The following PTH1R variants were observed in gnomAD, a reference collection of about 807,000 sequenced individuals.
The protein encoded by PTH1R is parathyroid hormone/parathyroid hormone-related peptide receptor.
In PTH1R, 32 loss-of-function variants were observed where a neutral mutation model predicts 70.7. The observed-to-expected ratio is 0.45, with a 90% CI of 0.34 to 0.61. The LOEUF (loss-of-function observed/expected upper bound fraction) is 0.61, where lower values mean the gene tolerates loss of function less well. Ranked by LOEUF, PTH1R falls within the 20% of genes least tolerant of loss-of-function variation. The pLI is 0.01. For synonymous variants in PTH1R, 329 were observed against 324.8 expected, an observed-to-expected ratio of 1.01 and a Z score of -0.14; for missense variants, 626 against 792.5, an observed-to-expected ratio of 0.79 and a Z score of 2.52.
rs1025115669 is a variant in PTH1R at position 46,879,196 on chromosome 3, G to A, written c.-106+1353G>A. Among the ~76,000 whole-genome samples the A allele has an allele frequency of 8.5e-5, 13 of 152,196 alleles. No individual in the cohort carries two copies. The highest frequency in any genetic ancestry group is 4.2e-4 in the South Asian group (2 of 4,814). On this transcript the variant is annotated intron_variant, in intron 1 of 15. Coordinates refer to ENST00000449590, the MANE Select transcript of PTH1R (RefSeq NM_000316.3). This position sits in a 1 kb window ranked among gnomAD's most constrained non-coding sequence, Gnocchi z 4.7. Reference sequence around the variant, plus strand: ...TATGGCAGGAGGAATGCCCTTAAGGGACCCAGCACCCATCAGATTCCTCTC... The same window carrying A: ...TATGGCAGGAGGAATGCCCTTAAGGAACCCAGCACCCATCAGATTCCTCTC...
chr3:46,894,156 T>A, intron 4 of PTH1R, 147 bp downstream of exon 4: 1 of 764,952 alleles, frequency 1.3e-6, no homozygotes. Context: ...AGAACCAAAG[T>A]GGGGTGCGTG....
chr3:46,902,664 C>T lies in PTH1R; in HGVS notation c.1350C>T (p.Phe450=). The T allele has an allele frequency of 1.9e-6, 3 of 1,614,122 alleles. No individual in the cohort carries two copies. Among genetic ancestry groups the T allele is most frequent in the Non-Finnish European group, 2.5e-6 (3 of 1,180,020 alleles). ...ACTATGAGATGCTCTTCAACTCCTT[C>T]CAGGTGCGCAGTGCTGGCCCGGGCC... The part of the protein sequence containing the change: ...QMHYEMLFNS[F]QGFFVAIIYC... The change falls in exon 14 of 16, where the codon TTC becomes TTT. Residue 450 remains phenylalanine (F), a synonymous_variant. Coordinates refer to ENST00000449590, the MANE Select transcript of PTH1R (RefSeq NM_000316.3). This position sits in a 1 kb window ranked among gnomAD's most constrained non-coding sequence, Gnocchi z 5.4.
chr3:46,887,439 A>C (rs58381738), intron 3 of PTH1R, among the ~76,000 whole-genome samples: 2,426 of 143,124 alleles, frequency 0.017, 71 homozygotes, highest in African/African-American at 0.057. Context: ...TGGGTGACAG[A>C]GTGAGCCCCT....
chr3:46,884,679 C>G lies in PTH1R; in HGVS notation c.75+1045C>G, dbSNP rs1016206322. 2.0e-5 allele frequency among the ~76,000 whole-genome samples: 3 copies of G among 152,098 alleles called. No individual in the cohort carries two copies. Among genetic ancestry groups the G allele is most frequent in the Admixed American group, 6.5e-5 (1 of 15,282 alleles). On this transcript the variant is annotated intron_variant, in intron 3 of 15. Coordinates refer to ENST00000449590, the MANE Select transcript of PTH1R (RefSeq NM_000316.3). This position sits in a 1 kb window ranked among gnomAD's most constrained non-coding sequence, Gnocchi z 4.8. Reference sequence around the variant, plus strand: ...CTAGAGAGCAGGGCAGTCAGGCAGCCTCCTCCTCCTGACCAGCAGCAGCTC... The same window carrying G: ...CTAGAGAGCAGGGCAGTCAGGCAGCGTCCTCCTCCTGACCAGCAGCAGCTC...
rs942727600 is a variant in PTH1R, at chr3:46,894,380, G to A, written c.178+371G>A. Among the ~76,000 whole-genome samples, 4 of 152,042 alleles carry A rather than the reference G, an allele frequency of 2.6e-5. No individual in the cohort carries two copies. In the East Asian group the frequency reaches 5.8e-4, roughly 22 times the overall value. On this transcript the variant is annotated intron_variant, in intron 4 of 15. Transcript: ENST00000449590. The stretch of plus-strand genomic sequence containing the variant: ...TCTGCAGGGGTTGAGGCTGGTGATC[G>A]CCCAGAACACAAGCACACAATGACA...
At chr3:46,887,632 C>T (rs774862032) in intron 3 of PTH1R, among the ~76,000 whole-genome samples, 1 of 152,092 alleles carries the variant, frequency 6.6e-6, no homozygotes, top group Non-Finnish European at 1.5e-5. Flanking sequence ...TCTTTGTGTA[C>T]ATATCAAGTA....
Position 46,883,641 on chromosome 3 carries a change from C to A in PTH1R, c.75+7C>A. On this transcript the variant is annotated splice_region_variant and intron_variant, in intron 3 of 15. Transcript: ENST00000449590. The surrounding 1 kb of genome is among the most constrained non-coding windows in gnomAD (Gnocchi z 6.4). ...CAGCTCCGCGTACGCGCTGGTGAGTCCCCCGCCGCCAACACTCCGGGACAG... is the reference window on the plus strand; with the variant it reads ...CAGCTCCGCGTACGCGCTGGTGAGTACCCCGCCGCCAACACTCCGGGACAG... 1 of 1,545,614 alleles carries A rather than the reference C, an allele frequency of 6.5e-7. No homozygotes were observed. The highest frequency in any genetic ancestry group is 2.4e-5 in the East Asian group (1 of 40,894).
In PTH1R at chr3:46,883,288, C is replaced by T; in HGVS notation, c.-48-224C>T. The T allele has an allele frequency of 3.6e-6, 1 of 278,516 alleles. No homozygotes were observed. The highest frequency in any genetic ancestry group is 6.7e-6 in the Non-Finnish European group (1 of 150,364). The allele number at this position is 278,516 out of a possible 1,614,324, so 17.3% of individuals were successfully genotyped here. Reference sequence around the variant, plus strand: ...CGGGCCGCTCCGCAGCGCTCGGCGCCCGCCCGCCGCCCGCCCGGCCTCCGG... The same window carrying T: ...CGGGCCGCTCCGCAGCGCTCGGCGCTCGCCCGCCGCCCGCCCGGCCTCCGG... On this transcript the variant is annotated intron_variant, in intron 2 of 15. Transcript: ENST00000449590. The surrounding 1 kb of genome is among the most constrained non-coding windows in gnomAD (Gnocchi z 6.4).
intron 5 of PTH1R, among the ~76,000 whole-genome samples, chr3:46,897,131 G>A (rs1460949181): frequency 6.6e-6 from 1 of 152,216 alleles, no homozygotes; most frequent in Admixed American, 6.5e-5. Flanking sequence ...GAGTTAGTCT[G>A]GGTACTTGCC....
At position 46,903,396 on chromosome 3, in the gene PTH1R, G is replaced by A. The variant is rs767026013; in HGVS notation, c.1522G>A (p.Val508Ile). The A allele has an allele frequency of 7.4e-6, 12 of 1,613,400 alleles. No individual in the cohort carries two copies. In the East Asian group the frequency reaches 2.4e-4, roughly 33 times the overall value. The stretch of plus-strand genomic sequence containing the variant: ...GGTGTCCCACACAAGTGTGACCAAT[G>A]TCGGCCCCCGTGTGGGACTCGGCCT... Reference protein sequence around the residue: ...PMVSHTSVTNVGPRVGLGLPL... With the variant: ...PMVSHTSVTNIGPRVGLGLPL... Residue 508 changes from valine to isoleucine, a missense_variant, in exon 16 of 16, where the codon GTC (valine) becomes ATC (isoleucine). Physicochemically the swap from Val to Ile is conservative, Grantham distance 29. Around this residue, in one of 3 missense-constraint regions of PTH1R, gnomAD observed 495 missense variants for 638.7 expected, o/e 0.77. Coordinates refer to ENST00000449590, the MANE Select transcript of PTH1R (RefSeq NM_000316.3). This position sits in a 1 kb window ranked among gnomAD's most constrained non-coding sequence, Gnocchi z 4.4.
At chr3:46,889,941 CG>C (rs964676605) in intron 3 of PTH1R, among the ~76,000 whole-genome samples, 22 of 152,074 alleles carry the variant, frequency 1.4e-4, no homozygotes, top group African/African-American at 5.1e-4. Flanking sequence ...GTTGGAGGGG[CG>C]GGGAGAAGGG....
In PTH1R at chr3:46,898,374, A is replaced by T; in HGVS notation, c.544-4A>T. 6.2e-7 allele frequency: 1 copy of T among 1,612,596 alleles called. No homozygotes were observed. Among genetic ancestry groups the T allele is most frequent in the East Asian group, 2.2e-5 (1 of 44,762 alleles). ...CTGACTGTGTCTCCCCCCGCCCCGC[A>T]CAGGAGGTGTTTGACCGCCTGGGCA... On this transcript the variant is annotated splice_polypyrimidine_tract_variant and splice_region_variant and intron_variant, in intron 7 of 15. Coordinates refer to ENST00000449590, the MANE Select transcript of PTH1R (RefSeq NM_000316.3).
chr3:46,899,219 C>T, intron 9 of PTH1R, 84 bp from the exon 10 acceptor site: 2 of 1,586,998 alleles, frequency 1.3e-6, no homozygotes, highest in Non-Finnish European at 1.7e-6. Flanking sequence ...CACTTGTCCT[C>T]TCCTGCCGCC....
rs1490584816 is a variant in PTH1R at position 46,891,985 on chromosome 3, C to T, written c.76-1922C>T. Among the ~76,000 whole-genome samples the T allele has an allele frequency of 6.6e-6, 1 of 152,058 alleles. No individual in the cohort carries two copies. The highest frequency in any genetic ancestry group is 1.5e-5 in the Non-Finnish European group (1 of 67,988). ...GATCAGCCCCCTCACCAGCATGGAT[C>T]CCCCATGTCAGAGGCACAGGGAGAG... On this transcript the variant is annotated intron_variant, in intron 3 of 15. Coordinates refer to ENST00000449590, the MANE Select transcript of PTH1R (RefSeq NM_000316.3). The surrounding 1 kb of genome is among the most constrained non-coding windows in gnomAD (Gnocchi z 4.3).
intron 4 of PTH1R, 81 bp downstream of exon 4, chr3:46,894,090 C>A: frequency 2.1e-6 from 3 of 1,434,054 alleles, no homozygotes; most frequent in Non-Finnish European, 2.9e-6. Flanking sequence ...GGATACAGAG[C>A]CAGGTGAAGG....
chr3:46,886,965 C>T (rs989553917), intron 3 of PTH1R, among the ~76,000 whole-genome samples: 3 of 152,010 alleles, frequency 2.0e-5, no homozygotes, highest in African/African-American at 4.8e-5. Flanking sequence ...AAATCATGGC[C>T]GAGTGCAGTG....
chr3:46,883,276 A>C lies in PTH1R; in HGVS notation c.-48-236A>C, dbSNP rs1380070544. The C allele has an allele frequency of 3.7e-6, 1 of 271,284 alleles. No homozygotes were observed. The highest frequency in any genetic ancestry group is 6.9e-6 in the Non-Finnish European group (1 of 145,770). The allele number at this position is 271,284 out of a possible 1,614,324, so 16.8% of individuals were successfully genotyped here. A position where few individuals can be genotyped will look rare whatever the true frequency, so the allele number is the denominator to read the frequency against. On this transcript the variant is annotated intron_variant, in intron 2 of 15. Coordinates refer to ENST00000449590, the MANE Select transcript of PTH1R (RefSeq NM_000316.3). The surrounding 1 kb of genome is among the most constrained non-coding windows in gnomAD (Gnocchi z 6.4). ...CTCCGAGGCAGACGGGCCGCTCCGCAGCGCTCGGCGCCCGCCCGCCGCCCG... is the reference window on the plus strand; with the variant it reads ...CTCCGAGGCAGACGGGCCGCTCCGCCGCGCTCGGCGCCCGCCCGCCGCCCG...
rs1461977476 is a variant in PTH1R at position 46,884,423 on chromosome 3, A to AC, written c.75+789_75+790insC. Among the ~76,000 whole-genome samples the AC allele has an allele frequency of 6.6e-6, 1 of 152,102 alleles. No individual in the cohort carries two copies. The highest frequency in any genetic ancestry group is 1.5e-5 in the Non-Finnish European group (1 of 68,014). On this transcript the variant is annotated intron_variant, in intron 3 of 15. Transcript: ENST00000449590. The surrounding 1 kb of genome is among the most constrained non-coding windows in gnomAD (Gnocchi z 4.8). ...TGGACAGACTAAGAACAGCAAAAAA[A>AC]ATAGGGAGACAGGCAAAGGCAGAAA...
intron 3 of PTH1R, among the ~76,000 whole-genome samples, chr3:46,890,015 C>T (rs920432184): frequency 6.6e-6 from 1 of 152,176 alleles, no homozygotes; most frequent in Non-Finnish European, 1.5e-5. Context: ...TCCCCTTCAT[C>T]CCCAGGAGAT....
Sources: allele counts gnomAD v4.1 joint callset (sites outside exome capture counted in the v4.1 genomes callset), GRCh38; gene constraint gnomAD v4.1.1; regional missense constraint gnomAD v4.1.1; non-coding constraint Gnocchi (gnomAD v3.1); transcripts MANE v1.5; gene names NCBI Gene and HGNC (gene_info 2026-07-23, HGNC 2026-07-21).